The following NXNL2 variants were observed in gnomAD, a reference collection of about 807,000 sequenced individuals.
The protein encoded by NXNL2 is nucleoredoxin-like protein 2.
Under a neutral mutation model 11.1 loss-of-function variants are expected in NXNL2, and 7 were observed. The ratio of observed to expected loss-of-function variants is 0.63; its 90% CI spans 0.36 to 1.18. The LOEUF (loss-of-function observed/expected upper bound fraction) is 1.18. Among genes scored for constraint, NXNL2 ranks in the 50% most tolerant of loss-of-function variants. The pLI, the probability that NXNL2 is intolerant of heterozygous loss-of-function variation, is 0.02. For missense variants in NXNL2, 233 were observed against 217.7 expected (o/e 1.07, Z -0.44); for synonymous variants, 109 against 101.8 (o/e 1.07, Z -0.42).
At chr9:88,566,319 G>T (rs1162828315) in intron 1 of NXNL2, among the ~76,000 whole-genome samples, 1 of 151,412 alleles carries the variant, frequency 6.6e-6, no homozygotes, top group Non-Finnish European at 1.5e-5. Flanking sequence ...TTTTGAGATG[G>T]AGTCTTGGTC....
chr9:88,546,148 C>CGTGT (rs747134247), downstream of NXNL2, among the ~76,000 whole-genome samples: 7,886 of 147,452 alleles, frequency 0.053, 565 homozygotes, highest in African/African-American at 0.16. Context: ...ACTGAGTGTT[C>CGTGT]GTGTGTGTGT....
intron 1 of NXNL2, among the ~76,000 whole-genome samples, chr9:88,563,238 TCA>T (rs148872166): frequency 5.8e-4 from 88 of 152,338 alleles, no homozygotes; most frequent in African/African-American, 2.1e-3. Flanking sequence ...ACATGCATGC[TCA>T]CACATATGTG....
intron 1 of NXNL2, among the ~76,000 whole-genome samples, chr9:88,564,078 G>A (rs1830127754): frequency 6.6e-6 from 1 of 151,832 alleles, no homozygotes. Context: ...GGGCGTGGTG[G>A]CATGTGTCTG....
At chr9:88,572,855 C>T (rs1239374566) in intron 2 of NXNL2, among the ~76,000 whole-genome samples, 2 of 152,210 alleles carry the variant, frequency 1.3e-5, no homozygotes, top group African/African-American at 2.4e-5. Context: ...TCACGTGTGG[C>T]CGGGATGTGC....
At chr9:88,563,594 T>G (rs539756982) in intron 1 of NXNL2, among the ~76,000 whole-genome samples, 92 of 152,210 alleles carry the variant, frequency 6.0e-4, no homozygotes, top group Non-Finnish European at 1.2e-3. Context: ...GCCACTCAAA[T>G]GAGCCTTCTG....
downstream of NXNL2, among the ~76,000 whole-genome samples, chr9:88,546,195 CTT>C (rs1587844120): frequency 6.7e-6 from 1 of 148,566 alleles, no homozygotes; most frequent in African/African-American, 2.6e-5. Context: ...CAACCACACA[CTT>C]TTAAAAGGTA....
At chr9:88,577,084 A>G (rs1004431565), downstream of NXNL2, among the ~76,000 whole-genome samples, 1 of 152,144 alleles carries the variant, frequency 6.6e-6, no homozygotes, top group African/African-American at 2.4e-5. Flanking sequence ...GCAGAGAGGA[A>G]GCAGGGGAGT....
downstream of NXNL2, among the ~76,000 whole-genome samples, chr9:88,549,114 G>A (rs566501193): frequency 2.6e-5 from 4 of 152,264 alleles, no homozygotes; most frequent in South Asian, 2.1e-4. Flanking sequence ...CAAAGACAGC[G>A]CCTATAAGTA....
At chr9:88,563,403 G>A (rs1297473152) in intron 1 of NXNL2, among the ~76,000 whole-genome samples, 1 of 152,202 alleles carries the variant, frequency 6.6e-6, no homozygotes, top group African/African-American at 2.4e-5. Flanking sequence ...AAGCTGTGGA[G>A]TCATCTCCAG....
chr9:88,569,905 C>G (rs1348777574), intron 1 of NXNL2, among the ~76,000 whole-genome samples: 1 of 151,916 alleles, frequency 6.6e-6, no homozygotes, highest in East Asian at 1.9e-4. Context: ...TATGCTATTT[C>G]TTCTGCACTT....
chr9:88,535,330 T>G lies in NXNL2; in HGVS notation c.-105T>G. 2.6e-6 allele frequency: 3 copies of G among 1,169,824 alleles called. No individual in the cohort carries two copies. Among genetic ancestry groups the G allele is most frequent in the Non-Finnish European group, 3.5e-6 (3 of 854,688 alleles). 72.5% of individuals were successfully genotyped at this position (1,169,824 alleles called of 1,614,324 possible). On this transcript the variant is annotated 5_prime_UTR_variant, in exon 1 of 2. Transcript: ENST00000375854. ...AGGTCTTGAGAGGTCCAGCGCCCGG[T>G]GGTGCGGACAGAGGCGGGGCACCGC...
intron 1 of NXNL2, among the ~76,000 whole-genome samples, chr9:88,564,137 G>C (rs1262929545): frequency 6.6e-6 from 1 of 151,316 alleles, no homozygotes; most frequent in East Asian, 2.0e-4. Context: ...CTTGAACCTG[G>C]GAGGCAGAGG....
At position 88,535,558 on chromosome 9, in the gene NXNL2, C is replaced by T. The variant is rs964054873; in HGVS notation, c.124C>T (p.Arg42Cys). The T allele has an allele frequency of 9.3e-6, 15 of 1,609,068 alleles. No homozygotes were observed. Among genetic ancestry groups the T allele is most frequent in the African/African-American group, 1.3e-5 (1 of 75,014 alleles). ...CGCGGCGGCCCGGTGCGCGCCGAGC[C>T]GCGACTTCACGCCGCTGCTCTGCGA... ...YFAAARCAPS[R>C]DFTPLLCDFY... Residue 42 changes from arginine to cysteine, a missense_variant, in exon 1 of 2, where the codon CGC becomes TGC. Physicochemically the swap from Arg to Cys is radical, Grantham distance 180. Transcript: ENST00000375854.
intron 2 of NXNL2, among the ~76,000 whole-genome samples, chr9:88,573,677 C>T (rs1022586777): frequency 2.0e-5 from 3 of 152,110 alleles, no homozygotes; most frequent in Non-Finnish European, 2.9e-5. Flanking sequence ...AAATGGGGCA[C>T]GGTTTTTAGT....
chr9:88,538,651 A>T (rs1829682697), intron 1 of NXNL2, among the ~76,000 whole-genome samples: 2 of 152,078 alleles, frequency 1.3e-5, no homozygotes, highest in African/African-American at 2.4e-5. Context: ...ATTGATTCTG[A>T]TTTGGCTAGT....
At chr9:88,546,667 G>A (rs1214874819), downstream of NXNL2, among the ~76,000 whole-genome samples, 2 of 151,956 alleles carry the variant, frequency 1.3e-5, no homozygotes, top group Non-Finnish European at 2.9e-5. Flanking sequence ...CACCCGCTTC[G>A]GCCTCCCAGA....
At chr9:88,571,236 T>G (rs866183514) in intron 2 of NXNL2, 47 of 254,466 alleles carry the variant, frequency 1.8e-4, no homozygotes, top group Middle Eastern at 1.5e-3. Context: ...AGGCTAATTT[T>G]TTTTGTATTT....
chr9:88,570,193 A>G (rs1277539925), intron 1 of NXNL2, among the ~76,000 whole-genome samples: 2 of 151,988 alleles, frequency 1.3e-5, no homozygotes, highest in East Asian at 3.9e-4. Context: ...ATCTCAGCCC[A>G]CTGCAATATC....
chr9:88,574,929 A>G (rs1346435713), intron 2 of NXNL2, among the ~76,000 whole-genome samples: 2 of 152,182 alleles, frequency 1.3e-5, no homozygotes, highest in East Asian at 1.9e-4. Context: ...AACTCTAAGG[A>G]CATTGCTGTT....
Sources: gnomAD v4.1 joint callset for allele counts (sites outside exome capture counted in the v4.1 genomes callset) on GRCh38, gnomAD v4.1.1 for gene constraint, MANE v1.5 for transcripts, NCBI Gene and HGNC (gene_info 2026-07-23, HGNC 2026-07-21) for gene names.